Variants in DYRK1A observed in about 807,000 individuals in gnomAD.
DYRK1A encodes the protein dual specificity tyrosine phosphorylation regulated kinase 1A.
In DYRK1A, 9 loss-of-function variants were observed where a neutral mutation model predicts 79.7. The ratio of observed to expected loss-of-function variants is 0.11; its 90% CI spans 0.07 to 0.20. The LOEUF (loss-of-function observed/expected upper bound fraction) is 0.20, where lower values mean the gene tolerates loss of function less well. DYRK1A is among the 10% of genes least tolerant of loss of function. The pLI, the probability that DYRK1A is intolerant of heterozygous loss-of-function variation, is 1.00. For synonymous variants in DYRK1A, 349 were observed against 329.7 expected (o/e 1.06, Z -0.63); for missense variants, 622 against 956.0 (o/e 0.65, Z 4.61).
Position 37,515,228 on chromosome 21 carries a change from T to C in DYRK1A, c.*2697T>C, listed in dbSNP as rs892293273. 1 of 152,768 alleles carries C rather than the reference T, an allele frequency of 6.5e-6. No homozygotes were observed. Among genetic ancestry groups the C allele is most frequent in the African/African-American group, 2.4e-5 (1 of 41,576 alleles). The allele number at this position is 152,768 out of a possible 1,614,324, so 9.5% of individuals were successfully genotyped here. Reference sequence around the variant, plus strand: ...AATTAATTTAAGAAAAATGTAAACATAGTAAAAATCTTCCTATGCAATTAA... The same window carrying C: ...AATTAATTTAAGAAAAATGTAAACACAGTAAAAATCTTCCTATGCAATTAA... On this transcript the variant is annotated 3_prime_UTR_variant, in exon 12 of 12. Coordinates refer to ENST00000647188, the MANE Select transcript of DYRK1A (RefSeq NM_001347721.2).
intron 2 of DYRK1A, among the ~76,000 whole-genome samples, chr21:37,424,467 AT>A (rs59874990): frequency 0.15 from 23,178 of 151,920 alleles, 2,423 homozygotes; most frequent in African/African-American, 0.29. Flanking sequence ...TTTTCATGCC[AT>A]TTTTTTAACT....
At chr21:37,389,802 T>TG (rs1194213537) in intron 1 of DYRK1A, among the ~76,000 whole-genome samples, 1 of 152,172 alleles carries the variant, frequency 6.6e-6, no homozygotes, top group Non-Finnish European at 1.5e-5. Context: ...GGTCTCAGGT[T>TG]GGGGTTGTGA....
intron 2 of DYRK1A, among the ~76,000 whole-genome samples, chr21:37,456,578 T>C (rs1470587257): frequency 1.3e-5 from 2 of 152,198 alleles, no homozygotes; most frequent in African/African-American, 2.4e-5. Flanking sequence ...TTTATCTTTA[T>C]TCACTTGCAG....
At chr21:37,385,360 A>G (rs755299974) in intron 1 of DYRK1A, among the ~76,000 whole-genome samples, 9 of 152,210 alleles carry the variant, frequency 5.9e-5, no homozygotes, top group Admixed American at 1.3e-4. Flanking sequence ...ACTTAACCAC[A>G]GAAAGATCTC....
intron 2 of DYRK1A, among the ~76,000 whole-genome samples, chr21:37,433,374 A>G (rs1326727672): frequency 6.6e-6 from 1 of 152,224 alleles, no homozygotes; most frequent in East Asian, 1.9e-4. Flanking sequence ...TGGACCAGGA[A>G]ACAGTCCCTT....
intron 1 of DYRK1A, among the ~76,000 whole-genome samples, chr21:37,374,005 T>C (rs760711984): frequency 6.6e-6 from 1 of 152,244 alleles, no homozygotes; most frequent in Non-Finnish European, 1.5e-5. Flanking sequence ...TAGACCGTTA[T>C]GCAAAATATA....
Position 37,373,937 on chromosome 21 carries a change from TAA to T in DYRK1A, c.-77+6310_-77+6311del, listed in dbSNP as rs544471303. ...AAATACAATGGATTGCATTAGTTAA[TAA>T]GTTTATTTTCTGTATTTAATCATTA... is the stretch of plus-strand genomic sequence containing the variant. On this transcript the variant is annotated intron_variant, in intron 1 of 11. Coordinates refer to ENST00000647188, the MANE Select transcript of DYRK1A (RefSeq NM_001347721.2). Among the ~76,000 whole-genome samples the T allele has an allele frequency of 4.5e-3, 688 of 152,334 alleles. 5 individuals carry two copies. The highest frequency in any genetic ancestry group is 0.012 in the South Asian group (58 of 4,826).
intron 2 of DYRK1A, among the ~76,000 whole-genome samples, chr21:37,458,652 C>T (rs551112973): frequency 3.5e-4 from 54 of 152,220 alleles, no homozygotes; most frequent in South Asian, 1.2e-3. Flanking sequence ...CAAAAGGGGA[C>T]GCCTAAGTCC....
chr21:37,495,192 GTGT>G (rs2053229423), intron 8 of DYRK1A, among the ~76,000 whole-genome samples: 1 of 125,266 alleles, frequency 8.0e-6, no homozygotes, highest in Non-Finnish European at 1.7e-5. Context: ...GTGTGTGTGT[GTGT>G]GTGTGTGGTT....
At chr21:37,489,534 A>G (rs1318534159) in intron 6 of DYRK1A, among the ~76,000 whole-genome samples, 1 of 152,110 alleles carries the variant, frequency 6.6e-6, no homozygotes, top group Admixed American at 6.6e-5. Context: ...TCAGTCTCAC[A>G]CAAGAGTTGT....
Position 37,486,528 on chromosome 21 carries a change from A to G in DYRK1A, c.551A>G (p.Lys184Arg). ...EWVAIKIIKN[K>R]KAFLNQAQIE... ...GTTGCCATTAAAATAATAAAGAACAAGAAGGCTTTTCTGAATCAAGCACAG... is the reference window on the plus strand; with the variant it reads ...GTTGCCATTAAAATAATAAAGAACAGGAAGGCTTTTCTGAATCAAGCACAG... The change falls in exon 6 of 12, where the codon AAG (lysine) becomes AGG (arginine). Residue 184 changes from lysine to arginine, a missense_variant. Physicochemically the swap from Lys to Arg is conservative, Grantham distance 26. This residue lies in a region of DYRK1A where 138 missense variants were observed against 346.4 expected (regional missense o/e 0.40). Transcript: ENST00000647188. 6.3e-7 allele frequency: 1 copy of G among 1,599,278 alleles called. No homozygotes were observed. The highest frequency in any genetic ancestry group is 8.5e-7 in the Non-Finnish European group (1 of 1,173,844).
intron 1 of DYRK1A, among the ~76,000 whole-genome samples, chr21:37,395,118 G>GC (rs762871623): frequency 1.2e-4 from 19 of 152,160 alleles, no homozygotes; most frequent in Non-Finnish European, 2.2e-4. Flanking sequence ...TGAGGGATGG[G>GC]CATCCTGTGA....
chr21:37,459,119 C>G (rs1473803344), intron 2 of DYRK1A, among the ~76,000 whole-genome samples: 1 of 152,172 alleles, frequency 6.6e-6, no homozygotes, highest in Admixed American at 6.5e-5. Context: ...GAAATCAAGA[C>G]GTCTGATAAC....
chr21:37,382,769 C>T (rs541155952), intron 1 of DYRK1A, among the ~76,000 whole-genome samples: 5 of 152,038 alleles, frequency 3.3e-5, no homozygotes, highest in Non-Finnish European at 7.4e-5. Flanking sequence ...TTTAATATAC[C>T]TAGAAAGTGA....
At chr21:37,437,592 T>G (rs2148468411) in intron 2 of DYRK1A, among the ~76,000 whole-genome samples, 1 of 152,346 alleles carries the variant, frequency 6.6e-6, no homozygotes, top group Admixed American at 6.5e-5. Flanking sequence ...ATTACTTCAC[T>G]TGTTCCAGAA....
intron 1 of DYRK1A, chr21:37,415,656 G>A (rs1489011646): frequency 6.6e-6 from 1 of 151,524 alleles, no homozygotes; most frequent in Non-Finnish European, 1.5e-5. Flanking sequence ...GGGTAGAGAT[G>A]GGGTTTTGCC....
At chr21:37,494,602 C>T (rs1168974049) in intron 8 of DYRK1A, among the ~76,000 whole-genome samples, 1 of 152,086 alleles carries the variant, frequency 6.6e-6, no homozygotes, top group Non-Finnish European at 1.5e-5. Context: ...TGCAGTACCC[C>T]TTCTCCTCAT....
intron 1 of DYRK1A, among the ~76,000 whole-genome samples, chr21:37,391,555 C>T (rs145902170): frequency 1.3e-5 from 2 of 152,330 alleles, no homozygotes; most frequent in African/African-American, 4.8e-5. Context: ...CTTTAATACT[C>T]TTTCAAACCA....
At chr21:37,393,069 GTGGA>G (rs2148389553) in intron 1 of DYRK1A, among the ~76,000 whole-genome samples, 1 of 152,342 alleles carries the variant, frequency 6.6e-6, no homozygotes, top group South Asian at 2.1e-4. Context: ...CTGTTATGTT[GTGGA>G]TGAAGTTTTC....
Sources: allele counts gnomAD v4.1 joint callset (sites outside exome capture counted in the v4.1 genomes callset), GRCh38; gene constraint gnomAD v4.1.1; regional missense constraint gnomAD v4.1.1; transcripts MANE v1.5; gene names NCBI Gene and HGNC (gene_info 2026-07-23, HGNC 2026-07-21).